Variants in NBDY observed in about 807,000 individuals in gnomAD.
The protein encoded by NBDY is negative regulator of P-body association.
intron 2 of NBDY, among the ~76,000 whole-genome samples, chrX:56,794,085 G>A (rs761138382): frequency 1.2e-4 from 14 of 112,447 alleles, no homozygotes; most frequent in African/African-American, 3.9e-4. Context: ...TGACTGGTCT[G>A]CAGGCTGCAT....
At chrX:56,764,998 G>T (rs373149259) in intron 2 of NBDY, among the ~76,000 whole-genome samples, 1 of 112,665 alleles carries the variant, frequency 8.9e-6, no homozygotes, top group African/African-American at 3.2e-5. Context: ...ATTGCAGTTC[G>T]CTGTCAATCT....
Position 56,818,194 on chromosome X carries a change from C to G in NBDY, c.*1041C>G, listed in dbSNP as rs2146746615. On this transcript the variant is annotated 3_prime_UTR_variant, in exon 3 of 3. Transcript: ENST00000374922. ...ACAGACTTGAAAGCATATATTATAT[C>G]TGAAAATGTCAGATAAACTTGGCTT... The G allele has an allele frequency of 9.0e-6, 1 of 111,041 alleles. No individual in the cohort carries two copies. The highest frequency in any genetic ancestry group is 3.3e-5 in the African/African-American group (1 of 30,733). The allele number at this position is 111,041 out of a possible 1,213,427, so 9.2% of individuals were successfully genotyped here.
At chrX:56,813,112 C>T in intron 2 of NBDY, among the ~76,000 whole-genome samples, 1 of 111,076 alleles carries the variant, frequency 9.0e-6, no homozygotes, top group Non-Finnish European at 1.9e-5. Flanking sequence ...GGGTGCAGAA[C>T]ACCAACATGG....
intron 2 of NBDY, among the ~76,000 whole-genome samples, chrX:56,813,681 G>A (rs916596828): frequency 1.8e-5 from 2 of 111,780 alleles, no homozygotes; most frequent in African/African-American, 6.5e-5. Context: ...CACCACTTGC[G>A]ATGGGCATGC....
intron 2 of NBDY, among the ~76,000 whole-genome samples, chrX:56,738,933 G>A (rs1413552405): frequency 9.1e-6 from 1 of 109,823 alleles, no homozygotes; most frequent in Non-Finnish European, 1.9e-5. Flanking sequence ...AGCAAGGCTT[G>A]TCTGTTCAGA....
rs747000467 is a variant in NBDY, at chrX:56,738,564, C to T, written c.*166+6365C>T. Among the ~76,000 whole-genome samples the T allele has an allele frequency of 1.3e-4, 15 of 111,899 alleles. No individual in the cohort carries two copies. In the South Asian group the frequency reaches 2.3e-3, roughly 17 times the overall value. On this transcript the variant is annotated intron_variant, in intron 2 of 2. Transcript: ENST00000374922. Reference sequence around the variant, plus strand: ...CTGACCAGCTTCAAGTTAGGGTTCCCGCAACCTCTCTCTTTAGGCTCAAAT... The same window carrying T: ...CTGACCAGCTTCAAGTTAGGGTTCCTGCAACCTCTCTCTTTAGGCTCAAAT...
chrX:56,794,915 A>G (rs2069784682), intron 2 of NBDY, among the ~76,000 whole-genome samples: 1 of 112,134 alleles, frequency 8.9e-6, no homozygotes, highest in African/African-American at 3.2e-5. Flanking sequence ...ATGGGACTGG[A>G]TGGGAGGGAC....
chrX:56,815,446 T>A (rs2069906598), intron 2 of NBDY, among the ~76,000 whole-genome samples: 1 of 112,285 alleles, frequency 8.9e-6, no homozygotes. Context: ...GTTTTCTTTA[T>A]CATTTATAGA....
chrX:56,764,750 C>T (rs894414618), intron 2 of NBDY, among the ~76,000 whole-genome samples: 5 of 105,333 alleles, frequency 4.7e-5, no homozygotes, highest in African/African-American at 1.7e-4. Flanking sequence ...ACCCATCTCA[C>T]CTACAGCAGG....
intron 2 of NBDY, among the ~76,000 whole-genome samples, chrX:56,781,273 C>A (rs1301333898): frequency 1.8e-5 from 2 of 111,860 alleles, no homozygotes; most frequent in African/African-American, 6.5e-5. Flanking sequence ...ATCTAAGCAA[C>A]CCTCAGGAGG....
chrX:56,812,216 A>G (rs1179212377), intron 2 of NBDY, among the ~76,000 whole-genome samples: 1 of 92,207 alleles, frequency 1.1e-5, no homozygotes. Flanking sequence ...CCAGCTTCCC[A>G]CTTTTTTTTA....
intron 2 of NBDY, among the ~76,000 whole-genome samples, chrX:56,753,844 T>C (rs144254179): frequency 6.8e-4 from 76 of 111,103 alleles, no homozygotes; most frequent in African/African-American, 2.3e-3. Context: ...TTAGTGACTT[T>C]GGTAAGAGAA....
intron 2 of NBDY, among the ~76,000 whole-genome samples, chrX:56,749,439 A>G (rs2069572660): frequency 9.0e-6 from 1 of 111,450 alleles, no homozygotes; most frequent in Admixed American, 9.5e-5. Context: ...AATCCAAGGT[A>G]AAAACCTTTG....
chrX:56,748,352 G>T (rs1249371663), intron 2 of NBDY, among the ~76,000 whole-genome samples: 1 of 110,993 alleles, frequency 9.0e-6, no homozygotes, highest in African/African-American at 3.3e-5. Flanking sequence ...TAGAATACAA[G>T]AAAAAGAGCA....
At chrX:56,734,950 G>T (rs190675286) in intron 2 of NBDY, among the ~76,000 whole-genome samples, 107 of 112,099 alleles carry the variant, frequency 9.5e-4, no homozygotes, top group African/African-American at 3.2e-3. Context: ...AGAAACTGAA[G>T]CACGGAGAGG....
chrX:56,783,866 G>A (rs1297362547), intron 2 of NBDY, among the ~76,000 whole-genome samples: 1 of 112,566 alleles, frequency 8.9e-6, no homozygotes, highest in Non-Finnish European at 1.9e-5. Context: ...AGAAAGAAAC[G>A]GGCCAAAGAG....
intron 2 of NBDY, among the ~76,000 whole-genome samples, chrX:56,815,278 G>A (rs748753549): frequency 1.2e-4 from 13 of 111,482 alleles, no homozygotes; most frequent in East Asian, 1.1e-3. Flanking sequence ...TGATTCATAC[G>A]CAATGACCCT....
chrX:56,765,637 C>T (rs1216623538), intron 2 of NBDY, among the ~76,000 whole-genome samples: 1 of 111,036 alleles, frequency 9.0e-6, no homozygotes, highest in African/African-American at 3.3e-5. Context: ...TTCCTGTTCT[C>T]CTTCTGATTC....
intron 2 of NBDY, among the ~76,000 whole-genome samples, chrX:56,814,537 G>A (rs1428446650): frequency 1.9e-5 from 2 of 106,659 alleles, no homozygotes; most frequent in Admixed American, 2.0e-4. Flanking sequence ...CTGTTGTCTA[G>A]GCTGGTGTGC....
Sources: gnomAD v4.1 joint callset for allele counts (sites outside exome capture counted in the v4.1 genomes callset) on GRCh38, gnomAD v4.1.1 for gene constraint, MANE v1.5 for transcripts, NCBI Gene and HGNC (gene_info 2026-07-23, HGNC 2026-07-21) for gene names.